Variants in ITFG1 observed in about 807,000 individuals in gnomAD.
ITFG1 encodes the protein T-cell immunomodulatory protein.
ITFG1 carries 34 observed loss-of-function variants against 81.8 expected under a neutral mutation model. That is an observed-to-expected ratio of 0.42 (90% confidence interval 0.32 to 0.55). The LOEUF (loss-of-function observed/expected upper bound fraction) is 0.55, where lower values mean the gene tolerates loss of function less well. Among genes scored for constraint, ITFG1 ranks in the 20% least tolerant of loss-of-function variants. The probability of loss-of-function intolerance (pLI) is 0.17; values close to 1 mark genes in which losing one functional copy is unlikely to be tolerated. For synonymous variants in ITFG1, 285 were observed against 270.6 expected (o/e 1.05, Z -0.52); for missense variants, 672 against 755.4 (o/e 0.89, Z 1.29).
At chr16:47,300,623 G>A (rs1474439519) in intron 10 of ITFG1, among the ~76,000 whole-genome samples, 1 of 152,166 alleles carries the variant, frequency 6.6e-6, no homozygotes, top group African/African-American at 2.4e-5. Context: ...AAGGGCTGCT[G>A]TCTATGCATC....
intron 10 of ITFG1, among the ~76,000 whole-genome samples, chr16:47,281,826 CTT>C (rs1457737850): frequency 6.6e-6 from 1 of 151,858 alleles, no homozygotes; most frequent in Non-Finnish European, 1.5e-5. Context: ...CAAAAACCAG[CTT>C]TTGATTTGCC....
In ITFG1 at chr16:47,252,682, T is replaced by A. The variant is rs182116185; in HGVS notation, c.1330+5950A>T. On this transcript the variant is annotated intron_variant, in intron 12 of 17. Coordinates refer to ENST00000320640, the MANE Select transcript of ITFG1 (RefSeq NM_030790.5). The stretch of plus-strand genomic sequence containing the variant: ...GTGCGTAAGAGAAGCAGAAGGGCAG[T>A]TTACATTGCCATGGCCACATATAAA... Among the ~76,000 whole-genome samples, 25 of 152,292 alleles carry A rather than the reference T, an allele frequency of 1.6e-4. No individual in the cohort carries two copies. The East Asian group carries it at 4.8e-3, about 29-fold the overall frequency.
chr16:47,283,996 A>G (rs1275135120), intron 10 of ITFG1, among the ~76,000 whole-genome samples: 2 of 152,230 alleles, frequency 1.3e-5, no homozygotes, highest in African/African-American at 4.8e-5. Context: ...CCAATTATGA[A>G]GGATCATGAA....
At chr16:47,188,017 C>T (rs1173234400) in intron 14 of ITFG1, among the ~76,000 whole-genome samples, 1 of 152,110 alleles carries the variant, frequency 6.6e-6, no homozygotes, top group Non-Finnish European at 1.5e-5. Flanking sequence ...AAAAAATGCT[C>T]ATCATCACTG....
intron 12 of ITFG1, among the ~76,000 whole-genome samples, chr16:47,242,799 G>T (rs2078514778): frequency 6.6e-6 from 1 of 152,096 alleles, no homozygotes; most frequent in South Asian, 2.1e-4. Flanking sequence ...AAACAAGGGA[G>T]AATTAATCTG....
At chr16:47,175,128 G>A (rs1008162634) in intron 14 of ITFG1, among the ~76,000 whole-genome samples, 2 of 151,842 alleles carry the variant, frequency 1.3e-5, no homozygotes, top group Non-Finnish European at 2.9e-5. Context: ...AGAGAATAAA[G>A]GATAAAAATT....
intron 10 of ITFG1, among the ~76,000 whole-genome samples, chr16:47,293,152 AGC>A (rs1336421437): frequency 3.6e-4 from 45 of 126,148 alleles, no homozygotes; most frequent in African/African-American, 1.6e-3. Context: ...ATCATATACA[AGC>A]ATGATATATA....
intron 6 of ITFG1, among the ~76,000 whole-genome samples, chr16:47,421,241 T>A (rs954769749): frequency 1.3e-5 from 2 of 151,276 alleles, no homozygotes; most frequent in African/African-American, 4.9e-5. Flanking sequence ...TATATATATG[T>A]ATATATACAC....
At chr16:47,421,107 C>T (rs1968940691) in intron 6 of ITFG1, among the ~76,000 whole-genome samples, 1 of 151,894 alleles carries the variant, frequency 6.6e-6, no homozygotes, top group African/African-American at 2.4e-5. Context: ...TATCTCTTTT[C>T]ACCCCTTAGC....
intron 8 of ITFG1, among the ~76,000 whole-genome samples, chr16:47,327,471 A>C (rs1025120717): frequency 1.9e-4 from 29 of 152,234 alleles, no homozygotes; most frequent in Non-Finnish European, 2.8e-4. Context: ...CAAAATTGAC[A>C]AATGGGATCT....
At chr16:47,174,208 T>C (rs1567413619) in intron 14 of ITFG1, among the ~76,000 whole-genome samples, 1 of 152,212 alleles carries the variant, frequency 6.6e-6, no homozygotes, top group Non-Finnish European at 1.5e-5. Context: ...ATAGGAGATA[T>C]ATTACATTGT....
chr16:47,262,080 G>C (rs558158902), intron 10 of ITFG1, among the ~76,000 whole-genome samples: 1 of 152,300 alleles, frequency 6.6e-6, no homozygotes, highest in Admixed American at 6.5e-5. Context: ...AAATTTCTAA[G>C]CGTTTAACAC....
chr16:47,442,397 C>T (rs1044394707), intron 5 of ITFG1, among the ~76,000 whole-genome samples: 8 of 152,028 alleles, frequency 5.3e-5, no homozygotes, highest in South Asian at 4.2e-4. Context: ...AAAAAGAGCC[C>T]GCCTTGCCAA....
chr16:47,458,718 TC>T (rs1969483473), intron 2 of ITFG1, among the ~76,000 whole-genome samples: 1 of 152,078 alleles, frequency 6.6e-6, no homozygotes, highest in African/African-American at 2.4e-5. Flanking sequence ...ACTGACTTTT[TC>T]CCCACTGCAA....
At chr16:47,365,013 T>C (rs1304876720) in intron 8 of ITFG1, among the ~76,000 whole-genome samples, 4 of 152,238 alleles carry the variant, frequency 2.6e-5, no homozygotes, top group Admixed American at 2.6e-4. Flanking sequence ...GCTATAAGCC[T>C]GTCACTGTGC....
At chr16:47,199,672 A>T (rs1001496160) in intron 14 of ITFG1, among the ~76,000 whole-genome samples, 1 of 152,108 alleles carries the variant, frequency 6.6e-6, no homozygotes. Flanking sequence ...CATGGACCCC[A>T]TGGACCGGGG....
chr16:47,425,166 C>T (rs1043557910), intron 6 of ITFG1, among the ~76,000 whole-genome samples: 7 of 152,176 alleles, frequency 4.6e-5, no homozygotes, highest in African/African-American at 1.7e-4. Context: ...TGCTCTTCTC[C>T]CTGTCAAGCT....
At chr16:47,399,415 TACAA>T (rs1329564883) in intron 6 of ITFG1, among the ~76,000 whole-genome samples, 3 of 152,070 alleles carry the variant, frequency 2.0e-5, no homozygotes, top group Non-Finnish European at 2.9e-5. Context: ...CTACTAAAAA[TACAA>T]ACAATTAGCC....
intron 14 of ITFG1, among the ~76,000 whole-genome samples, chr16:47,179,912 G>A (rs1412412811): frequency 6.6e-6 from 1 of 152,210 alleles, no homozygotes; most frequent in Admixed American, 6.5e-5. Context: ...GTTGAGTTAT[G>A]ATTGTGAATA....
Sources: allele counts gnomAD v4.1 joint callset (sites outside exome capture counted in the v4.1 genomes callset), GRCh38; gene constraint gnomAD v4.1.1; transcripts MANE v1.5; gene names NCBI Gene and HGNC (gene_info 2026-07-23, HGNC 2026-07-21).